The following CLASP1 variants were observed in gnomAD, a reference collection of about 807,000 sequenced individuals.
The protein encoded by CLASP1 is cytoplasmic linker associated protein 1, also known as CLIP-associating protein 1.
CLASP1 carries 38 observed loss-of-function variants against 192.3 expected under a neutral mutation model. The observed-to-expected ratio is 0.20, with a 90% CI of 0.15 to 0.26. The LOEUF (loss-of-function observed/expected upper bound fraction) is 0.26, where lower values mean the gene tolerates loss of function less well. CLASP1 is among the 10% of genes least tolerant of loss of function. The pLI, the probability that CLASP1 is intolerant of heterozygous loss-of-function variation, is 1.00. For synonymous variants in CLASP1, 691 were observed against 712.8 expected (o/e 0.97, Z 0.49); for missense variants, 1,433 against 1,932.5 (o/e 0.74, Z 4.85).
At chr2:121,575,531 A>T (rs1185560886) in intron 2 of CLASP1, among the ~76,000 whole-genome samples, 1 of 151,988 alleles carries the variant, frequency 6.6e-6, no homozygotes, top group East Asian at 1.9e-4. Flanking sequence ...AAAGGGAGAA[A>T]GTAAGAGAAG....
intron 2 of CLASP1, among the ~76,000 whole-genome samples, chr2:121,596,401 C>G (rs936544415): frequency 1.3e-5 from 2 of 152,202 alleles, no homozygotes; most frequent in African/African-American, 4.8e-5. Flanking sequence ...GAAAAGGAAA[C>G]AGAAGTCACT....
At chr2:121,492,254 T>G (rs2093343250) in intron 8 of CLASP1, among the ~76,000 whole-genome samples, 1 of 151,302 alleles carries the variant, frequency 6.6e-6, no homozygotes, top group African/African-American at 2.4e-5. Flanking sequence ...CCGGGCGTGG[T>G]GGCGGGCACC....
At chr2:121,606,217 G>A (rs1172830575) in intron 1 of CLASP1, 37 bp from the exon 2 acceptor site, 2 of 425,576 alleles carry the variant, frequency 4.7e-6, no homozygotes, top group Admixed American at 4.0e-5. Context: ...AATTAGCACA[G>A]ATAACATAAC....
At chr2:121,548,190 G>A (rs2057662574) in intron 2 of CLASP1, among the ~76,000 whole-genome samples, 1 of 152,202 alleles carries the variant, frequency 6.6e-6, no homozygotes, top group Non-Finnish European at 1.5e-5. Context: ...TACAGGAGCT[G>A]AAGGACAAAA....
intron 20 of CLASP1, among the ~76,000 whole-genome samples, chr2:121,429,236 G>C (rs939285847): frequency 6.7e-6 from 1 of 148,236 alleles, no homozygotes; most frequent in Non-Finnish European, 1.5e-5. Context: ...CTCTACAACA[G>C]ACAGACAGTT....
At chr2:121,558,252 G>C (rs1488808495) in intron 2 of CLASP1, among the ~76,000 whole-genome samples, 3 of 152,104 alleles carry the variant, frequency 2.0e-5, no homozygotes, top group Non-Finnish European at 2.9e-5. Flanking sequence ...GTAGCCCAAT[G>C]GACTGGCCTG....
intron 6 of CLASP1, among the ~76,000 whole-genome samples, chr2:121,522,135 T>TGC (rs1360425049): frequency 1.3e-5 from 2 of 152,246 alleles, no homozygotes; most frequent in Non-Finnish European, 1.5e-5. Context: ...TGTGTGTGTG[T>TGC]GCGCGCACGT....
chr2:121,408,161 T>C (rs921551252), intron 24 of CLASP1, among the ~76,000 whole-genome samples: 2 of 152,248 alleles, frequency 1.3e-5, no homozygotes, highest in African/African-American at 2.4e-5. Context: ...AATGCAAATA[T>C]GTGCAGCCAA....
rs377065133 is a variant in CLASP1 at position 121,367,786 on chromosome 2, C to T, written c.3688G>A (p.Gly1230Arg). ...CGGCCTCCTTCTACTTCACTACCCC[C>T]CCGGCCCTCAGTGGCAGGGGAGGCA... is the stretch of plus-strand genomic sequence containing the variant. Residue 1230 changes from glycine (G) to arginine (R), a missense_variant, in exon 35 of 40, where the codon GGG becomes AGG. Gly to Arg is a moderately radical substitution (Grantham distance 125). Transcript: ENST00000263710. 5.6e-6 allele frequency: 9 copies of T among 1,613,878 alleles called. No individual in the cohort carries two copies. Among genetic ancestry groups the T allele is most frequent in the South Asian group, 2.2e-5 (2 of 91,090 alleles).
intron 1 of CLASP1, among the ~76,000 whole-genome samples, chr2:121,613,210 C>A (rs1216362344): frequency 3.3e-5 from 5 of 152,196 alleles, no homozygotes; most frequent in Non-Finnish European, 7.3e-5. Context: ...CAAACCCAAA[C>A]CCCTTTCATT....
intron 2 of CLASP1, chr2:121,603,128 T>G (rs1362545080): frequency 6.6e-6 from 1 of 151,890 alleles, no homozygotes; most frequent in Non-Finnish European, 1.5e-5. Flanking sequence ...AGTGACACTA[T>G]GTTAAATTCT....
At chr2:121,559,245 G>A (rs1049368233) in intron 2 of CLASP1, among the ~76,000 whole-genome samples, 1 of 152,150 alleles carries the variant, frequency 6.6e-6, no homozygotes, top group Non-Finnish European at 1.5e-5. Flanking sequence ...AACATTATTG[G>A]TGGGATTATA....
intron 1 of CLASP1, among the ~76,000 whole-genome samples, chr2:121,628,118 A>G (rs953323190): frequency 7.9e-5 from 12 of 152,250 alleles, no homozygotes; most frequent in South Asian, 2.1e-4. Flanking sequence ...TGCTTTTACT[A>G]AAATGAAATT....
intron 19 of CLASP1, among the ~76,000 whole-genome samples, chr2:121,438,971 T>C (rs900198770): frequency 1.3e-5 from 2 of 150,506 alleles, no homozygotes; most frequent in Non-Finnish European, 3.0e-5. Context: ...GGACTCTTTT[T>C]GGTTGGTAAG....
At chr2:121,394,939 T>G (rs1335291583) in intron 30 of CLASP1, among the ~76,000 whole-genome samples, 1 of 152,174 alleles carries the variant, frequency 6.6e-6, no homozygotes, top group Non-Finnish European at 1.5e-5. Context: ...GATGTGTAAT[T>G]TTTTTTGTCA....
At chr2:121,414,811 TCTCA>T (rs765270822) in intron 23 of CLASP1, among the ~76,000 whole-genome samples, 18 of 152,176 alleles carry the variant, frequency 1.2e-4, no homozygotes, top group Non-Finnish European at 2.9e-5. Flanking sequence ...TGAGACAAGG[TCTCA>T]CTCTGTTGCC....
At chr2:121,561,261 C>T (rs1161883271) in intron 2 of CLASP1, among the ~76,000 whole-genome samples, 1 of 152,190 alleles carries the variant, frequency 6.6e-6, no homozygotes, top group Non-Finnish European at 1.5e-5. Flanking sequence ...TAAAGGTATA[C>T]TATAGGTTTG....
At chr2:121,376,297 A>T (rs2070111898) in intron 34 of CLASP1, among the ~76,000 whole-genome samples, 1 of 152,222 alleles carries the variant, frequency 6.6e-6, no homozygotes, top group African/African-American at 2.4e-5. Context: ...CAACAAATGA[A>T]TGCATAAAGC....
intron 32 of CLASP1, among the ~76,000 whole-genome samples, chr2:121,384,005 T>C (rs372557901): frequency 0.05 from 6,827 of 137,910 alleles, 412 homozygotes; most frequent in African/African-American, 0.15. Context: ...TATATATATA[T>C]ATACACACAC....
Sources: allele counts gnomAD v4.1 joint callset (sites outside exome capture counted in the v4.1 genomes callset), GRCh38; gene constraint gnomAD v4.1.1; transcripts MANE v1.5; gene names NCBI Gene and HGNC (gene_info 2026-07-23, HGNC 2026-07-21).